PRICKLE1: variants seen among roughly 807,000 people sequenced by gnomAD.
PRICKLE1 encodes the protein prickle-like protein 1.
A neutral mutation model predicts 70.2 loss-of-function variants in PRICKLE1; 14 were observed. That is an observed-to-expected ratio of 0.20 (90% CI 0.13 to 0.31). The LOEUF (loss-of-function observed/expected upper bound fraction) is 0.31. Among genes scored for constraint, PRICKLE1 ranks in the 10% least tolerant of loss-of-function variants. The pLI is 1.00. For synonymous variants in PRICKLE1, 357 were observed against 379.9 expected (o/e 0.94, Z 0.70); for missense variants, 821 against 1,026.2 (o/e 0.80, Z 2.73).
At chr12:42,561,103 G>A (rs1441501294) in intron 1 of PRICKLE1, among the ~76,000 whole-genome samples, 1 of 152,146 alleles carries the variant, frequency 6.6e-6, no homozygotes, top group Non-Finnish European at 1.5e-5. Flanking sequence ...TTAGAGGTTA[G>A]ACTTCAACAA....
chr12:42,488,256 T>C (rs1026646502), intron 1 of PRICKLE1, among the ~76,000 whole-genome samples: 4 of 152,150 alleles, frequency 2.6e-5, no homozygotes. Context: ...AAAGACTCAA[T>C]AGCTGATTAT....
At chr12:42,524,527 C>A (rs190588481) in intron 1 of PRICKLE1, among the ~76,000 whole-genome samples, 49 of 152,188 alleles carry the variant, frequency 3.2e-4, no homozygotes, top group Admixed American at 6.5e-4. Context: ...GATTCTCCTG[C>A]CAGCCTCCTG....
chr12:42,497,727 C>T (rs1182795292), intron 1 of PRICKLE1, among the ~76,000 whole-genome samples: 2 of 152,084 alleles, frequency 1.3e-5, no homozygotes, highest in Non-Finnish European at 2.9e-5. Flanking sequence ...GACACAGAGA[C>T]ACGAAGTGAG....
At chr12:42,540,213 G>A (rs775837198) in intron 1 of PRICKLE1, among the ~76,000 whole-genome samples, 2 of 152,238 alleles carry the variant, frequency 1.3e-5, no homozygotes, top group Non-Finnish European at 2.9e-5. Context: ...TCACTGTGGA[G>A]AGGATAACTG....
At chr12:42,531,230 TA>T (rs2120545467) in intron 1 of PRICKLE1, among the ~76,000 whole-genome samples, 1 of 151,360 alleles carries the variant, frequency 6.6e-6, no homozygotes, top group South Asian at 2.1e-4. Context: ...AGTATTTTAG[TA>T]GAGTCGGGGT....
At chr12:42,579,868 A>C (rs1940870032) in intron 1 of PRICKLE1, among the ~76,000 whole-genome samples, 1 of 151,416 alleles carries the variant, frequency 6.6e-6, no homozygotes, top group African/African-American at 2.4e-5. Flanking sequence ...TTTGAGATGG[A>C]GTTTATATTA....
chr12:42,500,952 T>C (rs144592592), intron 1 of PRICKLE1, among the ~76,000 whole-genome samples: 105 of 152,320 alleles, frequency 6.9e-4, no homozygotes, highest in African/African-American at 2.4e-3. Flanking sequence ...TAGATCACAT[T>C]TCCATGGTCA....
At chr12:42,556,763 A>G (rs1456571623) in intron 1 of PRICKLE1, among the ~76,000 whole-genome samples, 2 of 152,212 alleles carry the variant, frequency 1.3e-5, no homozygotes, top group African/African-American at 4.8e-5. Flanking sequence ...TACATGCCTG[A>G]TGGGGTGCAA....
At chr12:42,543,840 A>C (rs140310989) in intron 1 of PRICKLE1, among the ~76,000 whole-genome samples, 1 of 152,156 alleles carries the variant, frequency 6.6e-6, no homozygotes, top group Non-Finnish European at 1.5e-5. Context: ...AAATTTAAAT[A>C]ATAATAGCCT....
intron 1 of PRICKLE1, among the ~76,000 whole-genome samples, chr12:42,585,498 A>G (rs1383959758): frequency 1.3e-5 from 2 of 152,174 alleles, no homozygotes; most frequent in South Asian, 2.1e-4. Flanking sequence ...AACTGGAAAT[A>G]GTCAATGCCA....
chr12:42,515,077 CCTGA>C (rs1445032986), intron 1 of PRICKLE1, among the ~76,000 whole-genome samples: 1 of 151,910 alleles, frequency 6.6e-6, no homozygotes, highest in Non-Finnish European at 1.5e-5. Flanking sequence ...AGCCACCACG[CCTGA>C]CTAACTTTTC....
In PRICKLE1 at chr12:42,530,837, G is replaced by GCACCTGTAAAACATGGTGAAACCCTGTTT. The variant is rs1939900681; in HGVS notation, c.-48-58302_-48-58274dup. Among the ~76,000 whole-genome samples, 4 of 149,476 alleles carry GCACCTGTAAAACATGGTGAAACCCTGTTT rather than the reference G, an allele frequency of 2.7e-5. No individual in the cohort carries two copies. The South Asian group carries it at 8.6e-4, about 32-fold the overall frequency. ...AAGTAGCTGAGATTACAGGTGCCCG[G>GCACCTGTAAAACATGGTGAAACCCTGTTT]CACCTGTAAAACATGGTGAAACCCT... On this transcript the variant is annotated intron_variant, in intron 1 of 7. Coordinates refer to ENST00000345127, the MANE Select transcript of PRICKLE1 (RefSeq NM_153026.3).
chr12:42,565,393 G>A (rs1369740590), intron 1 of PRICKLE1, among the ~76,000 whole-genome samples: 1 of 152,160 alleles, frequency 6.6e-6, no homozygotes, highest in African/African-American at 2.4e-5. Context: ...TGTGTTTTGG[G>A]GAAAAGGAGA....
intron 1 of PRICKLE1, chr12:42,525,070 G>A (rs1381099038): frequency 6.6e-6 from 1 of 152,124 alleles, no homozygotes; most frequent in Non-Finnish European, 1.5e-5. Context: ...GGCAGGATCA[G>A]AGAGTTAGAA....
At chr12:42,508,519 A>T (rs1041372117) in intron 1 of PRICKLE1, among the ~76,000 whole-genome samples, 2 of 152,226 alleles carry the variant, frequency 1.3e-5, no homozygotes, top group African/African-American at 4.8e-5. Context: ...TATAACATAC[A>T]CCAAATTAGA....
At chr12:42,507,319 C>G (rs577533771) in intron 1 of PRICKLE1, among the ~76,000 whole-genome samples, 6 of 152,266 alleles carry the variant, frequency 3.9e-5, no homozygotes, top group African/African-American at 1.4e-4. Flanking sequence ...CTAAGCAGAT[C>G]AAGTTGTGTA....
At chr12:42,469,916 T>A (rs546722153) in intron 3 of PRICKLE1, 4 of 491,164 alleles carry the variant, frequency 8.1e-6, no homozygotes, top group South Asian at 6.4e-5. Flanking sequence ...CCATTCTACA[T>A]GCACTCAACT....
intron 1 of PRICKLE1, among the ~76,000 whole-genome samples, chr12:42,587,314 C>T (rs570703644): frequency 6.6e-6 from 1 of 152,000 alleles, no homozygotes; most frequent in African/African-American, 2.4e-5. Context: ...CCAGTTTTTC[C>T]TTCCTTTTTC....
chr12:42,469,850 T>G, intron 3 of PRICKLE1: 1 of 544,672 alleles, frequency 1.8e-6, no homozygotes. Flanking sequence ...AAAATATATA[T>G]AGGACATTAA....
Sources: gnomAD v4.1 joint callset for allele counts (sites outside exome capture counted in the v4.1 genomes callset) on GRCh38, gnomAD v4.1.1 for gene constraint, MANE v1.5 for transcripts, NCBI Gene and HGNC (gene_info 2026-07-23, HGNC 2026-07-21) for gene names.